The following FRMD6 variants were observed in gnomAD, a reference collection of about 807,000 sequenced individuals.
FRMD6 encodes FERM domain containing 6, also known as FERM domain-containing protein 6.
Under a neutral mutation model 73.2 loss-of-function variants are expected in FRMD6, and 37 were observed. The ratio of observed to expected loss-of-function variants is 0.51; its 90% CI spans 0.39 to 0.66. The LOEUF (loss-of-function observed/expected upper bound fraction) is 0.66, where lower values mean the gene tolerates loss of function less well. Among genes scored for constraint, FRMD6 ranks in the 30% least tolerant of loss-of-function variants. The pLI, the probability that FRMD6 is intolerant of heterozygous loss-of-function variation, is 0.00. For missense variants in FRMD6, 714 were observed against 780.5 expected (o/e 0.91, Z 1.02); for synonymous variants, 273 against 282.2 (o/e 0.97, Z 0.33).
Position 51,530,954 on chromosome 14 carries a change from T to C in FRMD6, c.-209-39394T>C, listed in dbSNP as rs143433662. Among the ~76,000 whole-genome samples the C allele has an allele frequency of 2.0e-5, 3 of 152,356 alleles. No homozygotes were observed. The East Asian group carries it at 5.8e-4, about 29-fold the overall frequency. ...ACACAAATTTATTGGCTCATGATTC[T>C]GGAAGCTGGTAAGTCCAATGCGCCA... On this transcript the variant is annotated intron_variant, in intron 1 of 14. Transcript: ENST00000356218.
rs767452118 is a variant in FRMD6 at position 51,646,551 on chromosome 14, G to A, written c.-146-43140G>A. ...GAGGGAATTGCCTCCCAACTCTGGGGTAAGCTTTTTTTTCCCCCAGGTTTT... is the reference window on the plus strand; with the variant it reads ...GAGGGAATTGCCTCCCAACTCTGGGATAAGCTTTTTTTTCCCCCAGGTTTT... On this transcript the variant is annotated intron_variant, in intron 2 of 14. Coordinates refer to the FRMD6 transcript ENST00000356218. Among the ~76,000 whole-genome samples the A allele has an allele frequency of 4.0e-5, 6 of 151,646 alleles. No homozygotes were observed. The South Asian group carries it at 1.0e-3, about 26-fold the overall frequency.
At chr14:51,448,008 G>A in the FRMD6 span, among the ~76,000 whole-genome samples, 1 of 152,080 alleles carries the variant, frequency 6.6e-6, no homozygotes, top group Non-Finnish European at 1.5e-5. Context: ...TGTTCTAATT[G>A]CTATTCCTTT....
chr14:51,545,626 G>C (rs889445903), intron 1 of FRMD6, among the ~76,000 whole-genome samples: 1 of 151,974 alleles, frequency 6.6e-6, no homozygotes, highest in Admixed American at 6.6e-5. Context: ...ACTGCCTCCC[G>C]GGTAAGTTTA....
At chr14:51,695,574 A>C (rs918876468) in intron 2 of FRMD6, among the ~76,000 whole-genome samples, 1 of 152,212 alleles carries the variant, frequency 6.6e-6, no homozygotes, top group Non-Finnish European at 1.5e-5. Flanking sequence ...TCAGTAATTC[A>C]GGGAGTGGTC....
At chr14:51,515,819 G>C (rs1037505456) in intron 1 of FRMD6, among the ~76,000 whole-genome samples, 1 of 152,132 alleles carries the variant, frequency 6.6e-6, no homozygotes, top group African/African-American at 2.4e-5. Context: ...CATTAACTCG[G>C]AGTACAATCT....
chr14:51,670,624 A>AT (rs58950068), intron 1 of FRMD6, among the ~76,000 whole-genome samples: 1,591 of 150,428 alleles, frequency 0.011, 32 homozygotes, highest in African/African-American at 0.037. Flanking sequence ...ATTAATGTAC[A>AT]TTTTTATATA....
At position 51,698,134 on chromosome 14, in the gene FRMD6, C is replaced by T; in HGVS notation, c.100-8C>T. ...TGTTATTTTACGTCGTGCCTTTTTC[C>T]CCTACAGGTTAAGATTCTGTGTCAC... On this transcript the variant is annotated splice_region_variant and splice_polypyrimidine_tract_variant and intron_variant, in intron 2 of 13. Transcript: ENST00000344768. 6.2e-7 allele frequency: 1 copy of T among 1,606,692 alleles called. No homozygotes were observed. The highest frequency in any genetic ancestry group is 8.5e-7 in the Non-Finnish European group (1 of 1,175,108).
intron 1 of FRMD6, among the ~76,000 whole-genome samples, chr14:51,537,160 C>A (rs1471540211): frequency 3.9e-5 from 6 of 152,168 alleles, no homozygotes; most frequent in Non-Finnish European, 4.4e-5. Flanking sequence ...TTCCTCAAAA[C>A]CCTTTAGTGC....
chr14:51,691,588 A>T (rs137861975), intron 2 of FRMD6, among the ~76,000 whole-genome samples: 1,328 of 75,108 alleles, frequency 0.018, 62 homozygotes, highest in Non-Finnish European at 0.027. Context: ...TTTGATTTTG[A>T]TTTTTTTTTT....
chr14:51,459,296 G>A, the FRMD6 span, among the ~76,000 whole-genome samples: 11 of 152,158 alleles, frequency 7.2e-5, no homozygotes, highest in African/African-American at 2.4e-4. Flanking sequence ...TGTAGGCCCT[G>A]GAATCCAATT....
chr14:51,710,769 T>C (rs562813837), intron 7 of FRMD6, among the ~76,000 whole-genome samples: 1 of 152,194 alleles, frequency 6.6e-6, no homozygotes, highest in Non-Finnish European at 1.5e-5. Flanking sequence ...TATTTTGAAC[T>C]TTATACACTA....
At chr14:51,619,795 G>A (rs756025397) in intron 2 of FRMD6, among the ~76,000 whole-genome samples, 1 of 152,236 alleles carries the variant, frequency 6.6e-6, no homozygotes, top group South Asian at 2.1e-4. Context: ...TCAACAGCTG[G>A]ATTCCATATG....
At chr14:51,493,256 G>T (rs1239400537) in intron 1 of FRMD6, among the ~76,000 whole-genome samples, 1 of 152,064 alleles carries the variant, frequency 6.6e-6, no homozygotes, top group Non-Finnish European at 1.5e-5. Flanking sequence ...TTACTACTTT[G>T]TTCTACTTCA....
chr14:51,625,493 A>C (rs1226037440), intron 2 of FRMD6, among the ~76,000 whole-genome samples: 1 of 152,036 alleles, frequency 6.6e-6, no homozygotes, highest in East Asian at 1.9e-4. Context: ...TGGTGAAAAA[A>C]ACAGACATAT....
At chr14:51,575,816 C>T (rs1888371193) in intron 2 of FRMD6, 1 of 152,104 alleles carries the variant, frequency 6.6e-6, no homozygotes, top group South Asian at 2.1e-4. Flanking sequence ...AGCTCATGGG[C>T]CATGAGCTGC....
At chr14:51,712,435 GTA>G (rs1180401461) in intron 8 of FRMD6, 46 bp from the exon 9 acceptor site, 1 of 1,146,796 alleles carries the variant, frequency 8.7e-7, no homozygotes. Flanking sequence ...CCATTTTACA[GTA>G]TCTATCATTT....
upstream of FRMD6, chr14:51,651,240 G>C (rs962218035): frequency 6.6e-6 from 1 of 152,284 alleles, no homozygotes; most frequent in Non-Finnish European, 1.5e-5. Context: ...AGAATTAGAG[G>C]GGGAGGCTGG....
At chr14:51,468,979 T>C in the FRMD6 span, among the ~76,000 whole-genome samples, 2 of 152,150 alleles carry the variant, frequency 1.3e-5, no homozygotes, top group African/African-American at 2.4e-5. Context: ...TTTGCTCTGT[T>C]GCCCAGGCTG....
intron 2 of FRMD6, among the ~76,000 whole-genome samples, chr14:51,693,392 T>C (rs1437471557): frequency 6.6e-6 from 1 of 152,224 alleles, no homozygotes; most frequent in Non-Finnish European, 1.5e-5. Context: ...GTTAGGACTA[T>C]GATCATGGAC....
Sources: gnomAD v4.1 joint callset for allele counts (sites outside exome capture counted in the v4.1 genomes callset) on GRCh38, gnomAD v4.1.1 for gene constraint, MANE v1.5 for transcripts, NCBI Gene and HGNC (gene_info 2026-07-23, HGNC 2026-07-21) for gene names.